Variants in SYNJ2 observed in about 807,000 individuals in gnomAD.
The protein encoded by SYNJ2 is polyphosphatidylinositol phosphatase SYNJ2.
A neutral mutation model predicts 141.3 loss-of-function variants in SYNJ2; 116 were observed. That is an observed-to-expected ratio of 0.82 (90% CI 0.71 to 0.96). SYNJ2 has a LOEUF of 0.96. Ranked by LOEUF, SYNJ2 falls within the 40% of genes least tolerant of loss-of-function variation. The pLI, the probability that SYNJ2 is intolerant of heterozygous loss-of-function variation, is 0.00. For synonymous variants in SYNJ2, 745 were observed against 777.7 expected (o/e 0.96, Z 0.70); for missense variants, 1,873 against 1,934.8 (o/e 0.97, Z 0.60).
chr6:158,016,814 A>G (rs1476469057), intron 1 of SYNJ2, among the ~76,000 whole-genome samples: 2 of 152,092 alleles, frequency 1.3e-5, no homozygotes, highest in African/African-American at 4.8e-5. Context: ...TACCACCTCC[A>G]CAGGTGCCTT....
chr6:158,064,369 G>C (rs949055674), intron 9 of SYNJ2, among the ~76,000 whole-genome samples: 3 of 152,070 alleles, frequency 2.0e-5, no homozygotes, highest in Non-Finnish European at 4.4e-5. Flanking sequence ...GGGTGCAGGG[G>C]CGTTCAAGTG....
intron 2 of SYNJ2, among the ~76,000 whole-genome samples, chr6:158,026,615 T>C (rs1779062360): frequency 1.3e-5 from 2 of 152,178 alleles, no homozygotes; most frequent in South Asian, 4.1e-4. Flanking sequence ...CCCCAGGCCG[T>C]GGTCCTGCCC....
chr6:158,006,505 C>T (rs1395751693), intron 1 of SYNJ2, among the ~76,000 whole-genome samples: 1 of 152,226 alleles, frequency 6.6e-6, no homozygotes, highest in Admixed American at 6.5e-5. Context: ...ATGCCACGCA[C>T]TGCTGGGTTT....
At chr6:158,087,623 A>G (rs1206430767) in intron 23 of SYNJ2, among the ~76,000 whole-genome samples, 3 of 152,220 alleles carry the variant, frequency 2.0e-5, no homozygotes, top group Non-Finnish European at 4.4e-5. Flanking sequence ...GATCAGACTT[A>G]GATCTTCCTA....
chr6:158,039,185 C>A (rs192010148), intron 4 of SYNJ2, among the ~76,000 whole-genome samples: 2 of 152,244 alleles, frequency 1.3e-5, no homozygotes, highest in Admixed American at 6.5e-5. Flanking sequence ...GTTTATGTCA[C>A]TTTATAGCAG....
intron 5 of SYNJ2, among the ~76,000 whole-genome samples, chr6:158,050,340 G>A (rs550863801): frequency 5.9e-5 from 9 of 152,378 alleles, no homozygotes; most frequent in Non-Finnish European, 1.0e-4. Flanking sequence ...AGCACCCAGA[G>A]GAGGTCCAAC....
chr6:157,994,437 A>G (rs1777569361), intron 1 of SYNJ2, among the ~76,000 whole-genome samples: 1 of 152,194 alleles, frequency 6.6e-6, no homozygotes, highest in African/African-American at 2.4e-5. Context: ...AAATGATGTG[A>G]ATAAAGAAAG....
intron 6 of SYNJ2, among the ~76,000 whole-genome samples, chr6:158,055,809 C>G (rs1442458378): frequency 6.6e-6 from 1 of 152,104 alleles, no homozygotes; most frequent in African/African-American, 2.4e-5. Context: ...GTCATATGAG[C>G]CCAGATGTGA....
At chr6:158,074,832 T>A in intron 16 of SYNJ2, 94 bp downstream of exon 16, 5 of 1,418,126 alleles carry the variant, frequency 3.5e-6, no homozygotes, top group Non-Finnish European at 4.8e-6. Flanking sequence ...TTCAGTTCCG[T>A]GAGTGGATTT....
At chr6:158,081,052 G>A (rs985624266) in intron 18 of SYNJ2, 57 bp from the exon 19 acceptor site, 57 of 1,527,424 alleles carry the variant, frequency 3.7e-5, no homozygotes, top group Middle Eastern at 2.3e-4. Context: ...ACTGGAGGCC[G>A]GGGGTGTGGA....
At chr6:158,022,632 A>T (rs1168942373) in intron 2 of SYNJ2, among the ~76,000 whole-genome samples, 1 of 152,216 alleles carries the variant, frequency 6.6e-6, no homozygotes, top group Non-Finnish European at 1.5e-5. Flanking sequence ...CACACAGGCC[A>T]CTGGAGGTGT....
chr6:158,033,593 C>G lies in SYNJ2; in HGVS notation c.624C>G (p.Arg208=). 5.6e-6 allele frequency: 9 copies of G among 1,613,990 alleles called. No individual in the cohort carries two copies. The highest frequency in any genetic ancestry group is 7.6e-6 in the Non-Finnish European group (9 of 1,180,040). The part of the protein sequence containing the change: ...HKQAKACLVS[R]VSCERTGTRF... ...AGGCCAAGGCCTGCCTCGTCTCTCG[C>G]GTTAGCTGTGAGCGCACAGGCACTC... The change falls in exon 4 of 27, where the codon CGC becomes CGG. Residue 208 remains arginine, a synonymous_variant. Transcript: ENST00000355585.
rs1198796040 is a variant in SYNJ2 at position 158,084,634 on chromosome 6, G to A, written c.3208+460G>A. Among the ~76,000 whole-genome samples the A allele has an allele frequency of 2.0e-5, 3 of 152,022 alleles. No individual in the cohort carries two copies. Among genetic ancestry groups the A allele is most frequent in the East Asian group, 1.9e-4 (1 of 5,182 alleles). On this transcript the variant is annotated intron_variant, in intron 22 of 26. Transcript: ENST00000355585. The surrounding 1 kb of genome is among the most constrained non-coding windows in gnomAD (Gnocchi z 5.0). ...AGCCTGGCCAACATGGTGAAACCCTGTCTCTACTAAAAATATTTTTTAAAA... is the reference window on the plus strand; with the variant it reads ...AGCCTGGCCAACATGGTGAAACCCTATCTCTACTAAAAATATTTTTTAAAA...
At chr6:158,005,590 G>A (rs73579619) in intron 1 of SYNJ2, among the ~76,000 whole-genome samples, 6 of 141,832 alleles carry the variant, frequency 4.2e-5, no homozygotes, top group South Asian at 2.5e-4. Flanking sequence ...TGCACCAGCC[G>A]CTGTGCAGTA....
Position 158,074,712 on chromosome 6 carries a change from C to G in SYNJ2, c.2266C>G (p.Leu756Val), listed in dbSNP as rs138821296. The change falls in exon 16 of 27, where the codon CTA becomes GTA. Residue 756 changes from leucine (L) to valine (V), a missense_variant. Coordinates refer to ENST00000355585, the MANE Select transcript of SYNJ2 (RefSeq NM_003898.4). ...DWKKLLEFDQ[L>V]QLQKSSGKIF... is the part of the protein sequence containing the mutation. ...GAAGAAACTTCTGGAATTTGATCAA[C>G]TACAGCTACAGAAATCAAGTGGAAA... 10 of 1,611,616 alleles carry G rather than the reference C, an allele frequency of 6.2e-6. No homozygotes were observed. The African/African-American group carries it at 9.4e-5, about 15-fold the overall frequency.
At position 158,054,979 on chromosome 6, in the gene SYNJ2, C is replaced by T. The variant is rs1780783897; in HGVS notation, c.808C>T (p.His270Tyr). The change falls in exon 6 of 27, where the codon CAT becomes TAT. Residue 270 changes from histidine to tyrosine, a missense_variant. Transcript: ENST00000355585. ...EQPGLQVGSHHLRLHRGLEAN... is the reference protein window; with the variant it reads ...EQPGLQVGSHYLRLHRGLEAN... ...CTCTTTGCTTTAGGTTGGCTCCCAT[C>T]ATCTGAGACTCCACAGAGGCCTGGA... The T allele has an allele frequency of 1.2e-6, 2 of 1,613,948 alleles. No individual in the cohort carries two copies. Among genetic ancestry groups the T allele is most frequent in the African/African-American group, 2.7e-5 (2 of 74,924 alleles).
intron 11 of SYNJ2, 111 bp from the exon 12 acceptor site, chr6:158,066,333 T>C: frequency 3.2e-6 from 4 of 1,256,660 alleles, no homozygotes; most frequent in Non-Finnish European, 4.5e-6. Context: ...CTGGTTTATC[T>C]CTAGAGGCTC....
chr6:157,994,890 G>A (rs1028428140), intron 1 of SYNJ2, among the ~76,000 whole-genome samples: 4 of 152,148 alleles, frequency 2.6e-5, no homozygotes, highest in African/African-American at 9.7e-5. Flanking sequence ...GAGTCCCAGG[G>A]GGTTCCTGGC....
chr6:158,060,200 T>C (rs2128361087), intron 7 of SYNJ2, among the ~76,000 whole-genome samples: 1 of 152,296 alleles, frequency 6.6e-6, no homozygotes, highest in South Asian at 2.1e-4. Flanking sequence ...GCTGGGCTCC[T>C]GTGGGCTCCT....
Sources: gnomAD v4.1 joint callset for allele counts (sites outside exome capture counted in the v4.1 genomes callset) on GRCh38, gnomAD v4.1.1 for gene constraint, Gnocchi (gnomAD v3.1) non-coding constraint, MANE v1.5 for transcripts, NCBI Gene and HGNC (gene_info 2026-07-23, HGNC 2026-07-21) for gene names.